The following FHIT variants were observed in gnomAD, a reference collection of about 807,000 sequenced individuals.
FHIT encodes bis(5'-adenosyl)-triphosphatase.
Under a neutral mutation model 17.9 loss-of-function variants are expected in FHIT, and 19 were observed. The observed-to-expected ratio is 1.06, with a 90% CI of 0.74 to 1.56. The LOEUF (loss-of-function observed/expected upper bound fraction) is 1.56. FHIT is among the 40% of genes most tolerant of loss of function. The pLI is 0.00. For missense variants in FHIT, 248 were observed against 189.2 expected (o/e 1.31, Z -1.82); for synonymous variants, 81 against 69.7 (o/e 1.16, Z -0.81).
chr3:59,770,129 G>A (rs1702008792), intron 8 of FHIT, among the ~76,000 whole-genome samples: 3 of 152,330 alleles, frequency 2.0e-5, no homozygotes, highest in Admixed American at 2.0e-4. Flanking sequence ...GGCATGATAA[G>A]TTCCCACACT....
intron 4 of FHIT, among the ~76,000 whole-genome samples, chr3:60,676,921 C>T (rs550434248): frequency 1.3e-5 from 2 of 152,236 alleles, no homozygotes; most frequent in East Asian, 3.9e-4. Context: ...GTCACCTAGG[C>T]TGGAATGCCG....
chr3:60,395,311 T>C (rs570369851), intron 5 of FHIT, among the ~76,000 whole-genome samples: 1 of 152,272 alleles, frequency 6.6e-6, no homozygotes, highest in South Asian at 2.1e-4. Flanking sequence ...GCATTTTATA[T>C]GGACTGTCTC....
rs555100519 is a variant in FHIT at position 60,815,921 on chromosome 3, G to C, written c.-18+5998C>G. ...CTATGATTTCTTTTAGCAGTGTTTT[G>C]TGGTTCCCCTTGTAGATACATTTCA... On this transcript the variant is annotated intron_variant, in intron 4 of 9. Transcript: ENST00000492590. Among the ~76,000 whole-genome samples the C allele has an allele frequency of 3.9e-5, 6 of 152,040 alleles. No homozygotes were observed. The South Asian group carries it at 1.2e-3, about 32-fold the overall frequency.
At position 59,748,335 on chromosome 3, in the gene FHIT, C is replaced by T. The variant is rs369807752; in HGVS notation, c.*1250G>A. Among the ~76,000 whole-genome samples, 47 of 151,972 alleles carry T rather than the reference C, an allele frequency of 3.1e-4. No individual in the cohort carries two copies. The highest frequency in any genetic ancestry group is 5.3e-4 in the Non-Finnish European group (36 of 67,958). ...AATGCAATTTGGGGAACACTGTATT[C>T]GCCCAAGTGATGTTTATTTAGGCAT... is the stretch of plus-strand genomic sequence containing the variant. On this transcript the variant is annotated 3_prime_UTR_variant, in exon 10 of 10. Coordinates refer to ENST00000492590, the MANE Select transcript of FHIT (RefSeq NM_002012.4).
intron 5 of FHIT, among the ~76,000 whole-genome samples, chr3:60,027,883 G>A (rs557610782): frequency 3.2e-4 from 49 of 152,246 alleles, no homozygotes. Flanking sequence ...CAATATAGTA[G>A]CCACTAGCCA....
chr3:59,994,668 T>A (rs1699430538), intron 7 of FHIT, among the ~76,000 whole-genome samples: 1 of 152,032 alleles, frequency 6.6e-6, no homozygotes, highest in South Asian at 2.1e-4. Flanking sequence ...CCTGTTTCTA[T>A]TTGCAAGTAA....
intron 4 of FHIT, among the ~76,000 whole-genome samples, chr3:60,546,012 C>G (rs765279093): frequency 5.3e-5 from 8 of 152,164 alleles, no homozygotes; most frequent in Non-Finnish European, 1.2e-4. Flanking sequence ...ATTCATTTCA[C>G]TCCCTTGGTC....
rs375858853 is a variant in FHIT at position 60,122,579 on chromosome 3, G to A, written c.104-108427C>T. ...TAAACCTCTAAGAGATCATTTTATG[G>A]GAAAAAGCAGCCCCTCCTGAAAACA... On this transcript the variant is annotated intron_variant, in intron 5 of 9. Transcript: ENST00000492590. Among the ~76,000 whole-genome samples, 8 of 152,186 alleles carry A rather than the reference G, an allele frequency of 5.3e-5. No individual in the cohort carries two copies. In the East Asian group the frequency reaches 1.5e-3, roughly 29 times the overall value.
chr3:60,490,715 T>C (rs1576749827), intron 5 of FHIT, among the ~76,000 whole-genome samples: 1 of 151,940 alleles, frequency 6.6e-6, no homozygotes, highest in Non-Finnish European at 1.5e-5. Flanking sequence ...ACGTCTTCTG[T>C]CTCTTACTAA....
intron 4 of FHIT, among the ~76,000 whole-genome samples, chr3:60,804,101 GCTC>G (rs1553733242): frequency 6.6e-6 from 1 of 152,162 alleles, no homozygotes; most frequent in East Asian, 1.9e-4. Context: ...AGGCAGAAAA[GCTC>G]CTTTCATAAC....
intron 5 of FHIT, among the ~76,000 whole-genome samples, chr3:60,534,439 C>CAAAAAAAAAAAAAAAAAAAAAAAAAAAA (rs563992117): frequency 3.1e-5 from 1 of 32,384 alleles, no homozygotes; most frequent in African/African-American, 1.3e-4. Flanking sequence ...GACTCCGTCT[C>CAAAAAAAAAAAAAAAAAAAAAAAAAAAA]AAAAAAAAAA....
intron 2 of FHIT, among the ~76,000 whole-genome samples, chr3:61,103,368 G>T (rs558525011): frequency 6.6e-6 from 1 of 152,304 alleles, no homozygotes; most frequent in Admixed American, 6.5e-5. Context: ...GCGGCTTTCA[G>T]TGAGTTTCTT....
chr3:60,528,984 C>T (rs2035673133), intron 5 of FHIT, among the ~76,000 whole-genome samples: 2 of 152,100 alleles, frequency 1.3e-5, no homozygotes, highest in African/African-American at 2.4e-5. Flanking sequence ...ATATCCTGAC[C>T]CCCAAATGCA....
intron 5 of FHIT, among the ~76,000 whole-genome samples, chr3:60,094,468 T>C (rs748596517): frequency 4.6e-5 from 7 of 152,124 alleles, no homozygotes; most frequent in Non-Finnish European, 8.8e-5. Flanking sequence ...AGGCAATACA[T>C]CTGATACAGA....
chr3:59,979,399 T>C (rs1187574371), intron 7 of FHIT, among the ~76,000 whole-genome samples: 1 of 152,136 alleles, frequency 6.6e-6, no homozygotes, highest in African/African-American at 2.4e-5. Flanking sequence ...ATCTCCAAGA[T>C]TCAGGGAAAA....
intron 4 of FHIT, among the ~76,000 whole-genome samples, chr3:60,820,315 A>G (rs1701882482): frequency 6.6e-6 from 1 of 152,148 alleles, no homozygotes; most frequent in African/African-American, 2.4e-5. Flanking sequence ...CAAAAAAGAA[A>G]GCCCTCCTTC....
At chr3:60,843,021 A>G (rs973641045) in intron 3 of FHIT, among the ~76,000 whole-genome samples, 1 of 152,170 alleles carries the variant, frequency 6.6e-6, no homozygotes, top group Non-Finnish European at 1.5e-5. Context: ...CCAAAGATTT[A>G]TTTGCATCTG....
At chr3:60,031,509 C>G (rs1207571711) in intron 5 of FHIT, among the ~76,000 whole-genome samples, 1 of 152,186 alleles carries the variant, frequency 6.6e-6, no homozygotes, top group East Asian at 1.9e-4. Context: ...ATTTTTGCCA[C>G]TTTTTAGCCA....
chr3:60,804,911 T>A (rs2106684024), intron 4 of FHIT, among the ~76,000 whole-genome samples: 1 of 152,346 alleles, frequency 6.6e-6, no homozygotes, highest in African/African-American at 2.4e-5. Context: ...CATGGCAATT[T>A]CTGCAAACAA....
Sources: gnomAD v4.1 joint callset for allele counts (sites outside exome capture counted in the v4.1 genomes callset) on GRCh38, gnomAD v4.1.1 for gene constraint, MANE v1.5 for transcripts, NCBI Gene and HGNC (gene_info 2026-07-23, HGNC 2026-07-21) for gene names.